TACR3: variants seen among roughly 807,000 people sequenced by gnomAD.
TACR3 encodes the protein tachykinin receptor 3, also known as neuromedin-K receptor.
A neutral mutation model predicts 35.0 loss-of-function variants in TACR3; 34 were observed. That is an observed-to-expected ratio of 0.97 (90% CI 0.74 to 1.30). The LOEUF (loss-of-function observed/expected upper bound fraction) is 1.30, where lower values mean the gene tolerates loss of function less well. TACR3 is among the 50% of genes most tolerant of loss of function. The probability of loss-of-function intolerance (pLI) is 0.00; values close to 1 mark genes in which losing one functional copy is unlikely to be tolerated. For synonymous variants in TACR3, 233 were observed against 221.1 expected (o/e 1.05, Z -0.48); for missense variants, 558 against 591.7 (o/e 0.94, Z 0.59).
intron 1 of TACR3, among the ~76,000 whole-genome samples, chr4:103,698,533 T>A (rs186282625): frequency 7.1e-6 from 1 of 140,926 alleles, no homozygotes; most frequent in Admixed American, 6.8e-5. Flanking sequence ...CAGAGGATAT[T>A]TTCTTTTCTT....
chr4:103,687,733 C>A (rs149150850), intron 1 of TACR3, among the ~76,000 whole-genome samples: 3,833 of 152,122 alleles, frequency 0.025, 191 homozygotes, highest in African/African-American at 0.087. Context: ...AACCACTCCT[C>A]AATGAAATAA....
intron 3 of TACR3, among the ~76,000 whole-genome samples, chr4:103,596,725 G>A (rs1724032551): frequency 6.6e-6 from 1 of 151,906 alleles, no homozygotes; most frequent in Non-Finnish European, 1.5e-5. Flanking sequence ...TTTACATTAG[G>A]TATATCTCCT....
intron 3 of TACR3, among the ~76,000 whole-genome samples, chr4:103,655,675 C>G (rs1282661950): frequency 6.6e-6 from 1 of 151,720 alleles, no homozygotes; most frequent in Non-Finnish European, 1.5e-5. Context: ...ATCATACATA[C>G]ATATAAAATG....
At chr4:103,609,511 T>A (rs191494409) in intron 3 of TACR3, among the ~76,000 whole-genome samples, 64 of 152,196 alleles carry the variant, frequency 4.2e-4, no homozygotes, top group Non-Finnish European at 6.8e-4. Context: ...TGTACATTAT[T>A]TGTGGGGTAG....
chr4:103,711,291 A>G (rs1465778282), intron 1 of TACR3, among the ~76,000 whole-genome samples: 2 of 152,198 alleles, frequency 1.3e-5, no homozygotes, highest in African/African-American at 4.8e-5. Context: ...AAGCTTATCC[A>G]CCATGATCAA....
chr4:103,701,181 G>T (rs1370258752), intron 1 of TACR3, among the ~76,000 whole-genome samples: 3 of 152,146 alleles, frequency 2.0e-5, no homozygotes, highest in East Asian at 1.9e-4. Context: ...TCCTCAAGCT[G>T]ATAGGCAACT....
At chr4:103,662,219 T>G (rs866447252) in intron 1 of TACR3, among the ~76,000 whole-genome samples, 2,928 of 146,306 alleles carry the variant, frequency 0.02, 148 homozygotes, top group African/African-American at 0.067. Context: ...TTGATGGTGT[T>G]TTTTTTTTTT....
intron 3 of TACR3, among the ~76,000 whole-genome samples, chr4:103,640,700 A>G (rs1189049089): frequency 6.6e-6 from 1 of 151,920 alleles, no homozygotes; most frequent in East Asian, 1.9e-4. Context: ...ATGTGGCCCA[A>G]CACAAATTCA....
intron 1 of TACR3, among the ~76,000 whole-genome samples, chr4:103,707,883 C>A (rs1722832650): frequency 6.6e-6 from 1 of 152,182 alleles, no homozygotes; most frequent in Admixed American, 6.5e-5. Context: ...GGGTCCCACA[C>A]CCAAGGAGCC....
chr4:103,692,107 A>G (rs534458708), intron 1 of TACR3, among the ~76,000 whole-genome samples: 19 of 152,060 alleles, frequency 1.2e-4, no homozygotes, highest in African/African-American at 2.2e-4. Context: ...ATCAAAATAA[A>G]TTTTACTGTG....
intron 1 of TACR3, among the ~76,000 whole-genome samples, chr4:103,687,153 T>C (rs1041763608): frequency 2.6e-5 from 4 of 152,092 alleles, no homozygotes; most frequent in African/African-American, 9.7e-5. Context: ...AACCACATGA[T>C]TATCTCAATA....
intron 3 of TACR3, among the ~76,000 whole-genome samples, chr4:103,629,025 C>A (rs1422835005): frequency 6.6e-6 from 1 of 152,076 alleles, no homozygotes; most frequent in East Asian, 1.9e-4. Flanking sequence ...ATACACAGAA[C>A]CAATGACAAA....
intron 3 of TACR3, among the ~76,000 whole-genome samples, chr4:103,633,715 C>T (rs937890488): frequency 5.3e-5 from 8 of 152,084 alleles, no homozygotes; most frequent in African/African-American, 1.9e-4. Flanking sequence ...CTAACCTTAT[C>T]CAGGTCATTG....
chr4:103,654,183 C>A (rs1163578461), intron 3 of TACR3, among the ~76,000 whole-genome samples: 3 of 151,710 alleles, frequency 2.0e-5, no homozygotes, highest in African/African-American at 2.4e-5. Flanking sequence ...TTGACCCAGC[C>A]TTCCCATTAC....
chr4:103,629,048 A>G (rs1724981782), intron 3 of TACR3, among the ~76,000 whole-genome samples: 1 of 152,216 alleles, frequency 6.6e-6, no homozygotes, highest in Non-Finnish European at 1.5e-5. Context: ...CCACATGATT[A>G]TCTCAACAGA....
rs1725409664 is a variant in TACR3 at position 103,644,029 on chromosome 4, A to G, written c.888+12165T>C. 2.0e-5 allele frequency among the ~76,000 whole-genome samples: 3 copies of G among 151,796 alleles called. No homozygotes were observed. In the Admixed American group the frequency reaches 2.0e-4, roughly 10 times the overall value. ...TCCACTTCTTCAGTACTACTGGAAA[A>G]CCACAAAAAAAAATAAAAACTTTTC... is the stretch of plus-strand genomic sequence containing the variant. On this transcript the variant is annotated intron_variant, in intron 3 of 4. Coordinates refer to ENST00000304883, the MANE Select transcript of TACR3 (RefSeq NM_001059.3).
chr4:103,654,966 A>T (rs1256588807), intron 3 of TACR3, among the ~76,000 whole-genome samples: 1 of 152,152 alleles, frequency 6.6e-6, no homozygotes, highest in Admixed American at 6.6e-5. Flanking sequence ...ATTCGTTTGT[A>T]GGTGCCAGAG....
chr4:103,683,841 GGA>G (rs889631883), intron 1 of TACR3, among the ~76,000 whole-genome samples: 6 of 113,574 alleles, frequency 5.3e-5, no homozygotes, highest in Middle Eastern at 3.8e-3. Flanking sequence ...AGAGAGAGAA[GGA>G]GAGAGAGAGA....
chr4:103,674,770 T>C (rs988750828), intron 1 of TACR3, among the ~76,000 whole-genome samples: 13 of 152,178 alleles, frequency 8.5e-5, no homozygotes. Flanking sequence ...CAGAATGGTC[T>C]TGATCTCTTG....
Sources: allele counts gnomAD v4.1 joint callset (sites outside exome capture counted in the v4.1 genomes callset), GRCh38; gene constraint gnomAD v4.1.1; transcripts MANE v1.5; gene names NCBI Gene and HGNC (gene_info 2026-07-23, HGNC 2026-07-21).